UMODL1: variants seen among roughly 807,000 people sequenced by gnomAD.
UMODL1 encodes uromodulin like 1, also known as uromodulin-like 1.
In UMODL1, 128 loss-of-function variants were observed where a neutral mutation model predicts 136.3. The ratio of observed to expected loss-of-function variants is 0.94; its 90% CI spans 0.81 to 1.09. The LOEUF (loss-of-function observed/expected upper bound fraction) is 1.09, where lower values mean the gene tolerates loss of function less well. Ranked by LOEUF, UMODL1 falls within the 50% of genes least tolerant of loss-of-function variation. UMODL1 has a pLI of 0.00. For missense variants in UMODL1, 1,766 were observed against 1,725.6 expected, an observed-to-expected ratio of 1.02 and a Z score of -0.41; for synonymous variants, 721 against 720.0, an observed-to-expected ratio of 1.00 and a Z score of -0.02.
At chr21:42,090,544 C>A in intron 6 of UMODL1, 106 bp downstream of exon 6, 2 of 1,384,074 alleles carry the variant, frequency 1.4e-6, no homozygotes, top group South Asian at 1.4e-5. Context: ...CCCGAGATAA[C>A]TCTGCCATGA....
chr21:42,091,346 C>T (rs908081191), intron 6 of UMODL1, among the ~76,000 whole-genome samples: 1 of 152,170 alleles, frequency 6.6e-6, no homozygotes, highest in African/African-American at 2.4e-5. Flanking sequence ...AGCAGAAGAG[C>T]GGACTGGGTG....
intron 21 of UMODL1, among the ~76,000 whole-genome samples, chr21:42,135,013 C>T (rs952471648): frequency 3.3e-5 from 5 of 152,190 alleles, no homozygotes; most frequent in Admixed American, 2.0e-4. Flanking sequence ...GTTTGCTGCA[C>T]CCATCAACCC....
At chr21:42,117,667 T>C (rs562314059) in intron 14 of UMODL1, among the ~76,000 whole-genome samples, 1 of 152,364 alleles carries the variant, frequency 6.6e-6, no homozygotes. Context: ...ACCCCAGCGC[T>C]TCCCCCACAG....
rs550945214 is a variant in UMODL1, at chr21:42,092,056, C to T, written c.931+1618C>T. Among the ~76,000 whole-genome samples, 4 of 152,264 alleles carry T rather than the reference C, an allele frequency of 2.6e-5. No homozygotes were observed. The East Asian group carries it at 7.7e-4, about 29-fold the overall frequency. Reference sequence around the variant, plus strand: ...CCAAGCGAGCAAGCGGTAAGCTGGCCGGCAAGCAGGGAGGGTACACGCATG... The same window carrying T: ...CCAAGCGAGCAAGCGGTAAGCTGGCTGGCAAGCAGGGAGGGTACACGCATG... On this transcript the variant is annotated intron_variant, in intron 6 of 22. Transcript: ENST00000408910.
chr21:42,128,086 A>G (rs1474752630), intron 20 of UMODL1: 3 of 599,952 alleles, frequency 5.0e-6, no homozygotes, highest in South Asian at 3.0e-5. Flanking sequence ...TCTTGAGGCC[A>G]TAATATTCAA....
At position 42,099,092 on chromosome 21, in the gene UMODL1, T is replaced by C. The variant is rs775703243; in HGVS notation, c.1098T>C (p.Ala366=). 8.1e-6 allele frequency: 13 copies of C among 1,614,074 alleles called. No homozygotes were observed. The highest frequency in any genetic ancestry group is 2.7e-5 in the African/African-American group (2 of 74,942). ...CACAGAGCCAGGCACTGGCAGTGGCTGGGCTGGAGGCTGGAGTGCTGTACA... is the reference window on the plus strand; with the variant it reads ...CACAGAGCCAGGCACTGGCAGTGGCCGGGCTGGAGGCTGGAGTGCTGTACA... ...ARTQSQALAV[A]GLEAGVLYRV... is the part of the protein sequence containing the mutation. Residue 366 remains alanine, a synonymous_variant, in exon 7 of 23, where the codon GCT becomes GCC. Coordinates refer to ENST00000408910, the MANE Select transcript of UMODL1 (RefSeq NM_001004416.3). The surrounding 1 kb of genome is among the most constrained non-coding windows in gnomAD (Gnocchi z 4.1).
Position 42,104,081 on chromosome 21 carries a change from G to T in UMODL1, c.1513G>T (p.Val505Leu), listed in dbSNP as rs544936734. 2.5e-6 allele frequency: 4 copies of T among 1,609,762 alleles called. No individual in the cohort carries two copies. The highest frequency in any genetic ancestry group is 2.2e-5 in the South Asian group (2 of 90,998). Residue 505 changes from valine (V) to leucine (L), a missense_variant, in exon 9 of 23, where the codon GTG (valine) becomes TTG (leucine). Physicochemically the swap from Val to Leu is conservative, Grantham distance 32. Coordinates refer to ENST00000408910, the MANE Select transcript of UMODL1 (RefSeq NM_001004416.3). ...CCAGATTGACCGGCAGGGGACACGC[G>T]TGCAAGGTATGGCCCAGCCACCCGC... Reference protein sequence around the residue: ...VFQIDRQGTRVQDWDECVDSA... With the variant: ...VFQIDRQGTRLQDWDECVDSA...
Position 42,119,150 on chromosome 21 carries a change from G to A in UMODL1, c.2515G>A (p.Asp839Asn). The A allele has an allele frequency of 1.2e-6, 2 of 1,613,852 alleles. No individual in the cohort carries two copies. The highest frequency in any genetic ancestry group is 8.5e-7 in the Non-Finnish European group (1 of 1,179,958). ...GCCAGCCACCATGTGTCAGCACATG[G>A]ACGCTGGTGGGGTCAGGATGGAAGT... ...SLPATMCQHM[D>N]AGGVRMEVVS... The change falls in exon 15 of 23, where the codon GAC (aspartate) becomes AAC (asparagine). Residue 839 changes from aspartate to asparagine, a missense_variant. Coordinates refer to ENST00000408910, the MANE Select transcript of UMODL1 (RefSeq NM_001004416.3).
At chr21:42,101,459 C>G (rs2066631463) in intron 7 of UMODL1, among the ~76,000 whole-genome samples, 1 of 152,148 alleles carries the variant, frequency 6.6e-6, no homozygotes, top group African/African-American at 2.4e-5. Flanking sequence ...CCGTAGCTTG[C>G]CAGCTGGGAG....
At chr21:42,106,301 T>C (rs220116) in intron 9 of UMODL1, among the ~76,000 whole-genome samples, 91,677 of 152,092 alleles carry the variant, frequency 0.6, 27,750 homozygotes, top group East Asian at 0.71. Flanking sequence ...CGAGGATCTG[T>C]AGAAGAAGAC....
chr21:42,085,199 G>A lies in UMODL1; in HGVS notation c.482-92G>A. 1 of 1,508,774 alleles carries A rather than the reference G, an allele frequency of 6.6e-7. No homozygotes were observed. Among genetic ancestry groups the A allele is most frequent in the South Asian group, 1.3e-5 (1 of 78,124 alleles). The allele number at this position is 1,508,774 out of a possible 1,614,324, so 93.5% of individuals were successfully genotyped here. ...CAGAGCAGGGCCTCTCATGGCCTCT[G>A]GTTCCCTCTCCTGCCCCCTCTCCCA... On this transcript the variant is annotated intron_variant, in intron 3 of 22. Transcript: ENST00000408910. The surrounding 1 kb of genome is among the most constrained non-coding windows in gnomAD (Gnocchi z 4.5).
intron 1 of UMODL1, among the ~76,000 whole-genome samples, chr21:42,065,865 T>A (rs921432117): frequency 3.3e-5 from 5 of 152,148 alleles, no homozygotes; most frequent in African/African-American, 1.2e-4. Flanking sequence ...TGGAGTCCTG[T>A]CTAGAAGTCA....
chr21:42,121,546 C>A (rs1170350690), intron 16 of UMODL1, among the ~76,000 whole-genome samples: 1 of 152,206 alleles, frequency 6.6e-6, no homozygotes, highest in African/African-American at 2.4e-5. Flanking sequence ...AGATGCTGAG[C>A]GACCGTCTTG....
intron 6 of UMODL1, chr21:42,093,797 G>A (rs1446413016): frequency 6.7e-6 from 3 of 444,898 alleles, no homozygotes; most frequent in East Asian, 7.1e-5. Flanking sequence ...GGTCATCCCC[G>A]GGGTCTCCAG....
chr21:42,124,502 G>C (rs2067025465), intron 17 of UMODL1, among the ~76,000 whole-genome samples: 2 of 152,320 alleles, frequency 1.3e-5, no homozygotes, highest in South Asian at 2.1e-4. Context: ...TGGAAACCAT[G>C]GCGGAGTTAA....
At chr21:42,081,702 C>A (rs899550725) in intron 2 of UMODL1, among the ~76,000 whole-genome samples, 3 of 152,156 alleles carry the variant, frequency 2.0e-5, no homozygotes, top group African/African-American at 4.8e-5. Context: ...CCTGTACCCC[C>A]CAACCCAGCT....
At chr21:42,101,423 G>T (rs557945529) in intron 7 of UMODL1, among the ~76,000 whole-genome samples, 1 of 152,146 alleles carries the variant, frequency 6.6e-6, no homozygotes, top group African/African-American at 2.4e-5. Context: ...TAAGTGTGGC[G>T]TGCATAGGTG....
At position 42,131,731 on chromosome 21, in the gene UMODL1, C is replaced by G. The variant is rs1239380572; in HGVS notation, c.3775+1934C>G. Reference sequence around the variant, plus strand: ...GGAAACTAAAAAAGTAGACACAGGTCCCAGGCCACACCCCAGGCCTACACA... The same window carrying G: ...GGAAACTAAAAAAGTAGACACAGGTGCCAGGCCACACCCCAGGCCTACACA... On this transcript the variant is annotated intron_variant, in intron 21 of 22. Coordinates refer to ENST00000408910, the MANE Select transcript of UMODL1 (RefSeq NM_001004416.3). Among the ~76,000 whole-genome samples the G allele has an allele frequency of 1.6e-4, 24 of 151,196 alleles. 1 individual carries two copies. Among genetic ancestry groups the G allele is most frequent in the Admixed American group, 1.6e-3 (24 of 15,166 alleles).
intron 1 of UMODL1, among the ~76,000 whole-genome samples, chr21:42,065,542 CTTTTTTTTTT>C (rs56298825): frequency 7.0e-6 from 1 of 143,422 alleles, no homozygotes; most frequent in East Asian, 2.0e-4. Flanking sequence ...CTTTTTTTTT[CTTTTTTTTTT>C]TTTGAGGCGG....
Sources: allele counts gnomAD v4.1 joint callset (sites outside exome capture counted in the v4.1 genomes callset), GRCh38; gene constraint gnomAD v4.1.1; non-coding constraint Gnocchi (gnomAD v3.1); transcripts MANE v1.5; gene names NCBI Gene and HGNC (gene_info 2026-07-23, HGNC 2026-07-21).